The following PKM variants were observed in gnomAD, a reference collection of about 807,000 sequenced individuals.
The protein encoded by PKM is pyruvate kinase M1/2, also known as pyruvate kinase PKM.
In PKM, 18 loss-of-function variants were observed where a neutral mutation model predicts 49.8. That is an observed-to-expected ratio of 0.36 (90% confidence interval 0.25 to 0.54). The LOEUF is 0.54. Ranked by LOEUF, PKM falls within the 20% of genes least tolerant of loss-of-function variation. The pLI is 0.89. For synonymous variants in PKM, 239 were observed against 261.8 expected (o/e 0.91, Z 0.84); for missense variants, 508 against 713.8 (o/e 0.71, Z 3.28).
chr15:72,228,070 C>T (rs923152289), intron 1 of PKM, among the ~76,000 whole-genome samples: 1 of 152,162 alleles, frequency 6.6e-6, no homozygotes, highest in South Asian at 2.1e-4. Context: ...ATGCTCTTTG[C>T]TAAAATATGA....
At chr15:72,231,008 C>A (rs1413268477) in intron 1 of PKM, 108 bp downstream of exon 1, 1 of 1,250,968 alleles carries the variant, frequency 8.0e-7, no homozygotes, top group Non-Finnish European at 1.0e-6. Flanking sequence ...CTGGATCCTG[C>A]GCCGCCCTGC....
At position 72,202,482 on chromosome 15, in the gene PKM, C is replaced by T. The variant is rs1325937257; in HGVS notation, c.1279G>A (p.Ala427Thr). ...VEASFKCCSG[A>T]IIVLTKSGRS... ...CCAGACTTGGTGAGGACGATTATGG[C>T]CCCACTGCAGCACTTGAAGGAGGCC... is the stretch of plus-strand genomic sequence containing the variant. Residue 427 changes from alanine to threonine, a missense_variant, in exon 9 of 11, where the codon GCC becomes ACC. Coordinates refer to ENST00000335181, the MANE Select transcript of PKM (RefSeq NM_002654.6). The surrounding 1 kb of genome is among the most constrained non-coding windows in gnomAD (Gnocchi z 4.5). 1.2e-6 allele frequency: 2 copies of T among 1,613,210 alleles called. No homozygotes were observed. Among genetic ancestry groups the T allele is most frequent in the East Asian group, 2.2e-5 (1 of 44,862 alleles).
At chr15:72,213,951 T>G (rs1026096241) in intron 3 of PKM, among the ~76,000 whole-genome samples, 4 of 152,362 alleles carry the variant, frequency 2.6e-5, no homozygotes, top group Non-Finnish European at 5.9e-5. Context: ...TCTCAGAACT[T>G]TCTATTTTAC....
At position 72,200,508 on chromosome 15, in the gene PKM, G is replaced by A. The variant is rs758669236; in HGVS notation, c.1455C>T (p.Asp485=). Residue 485 remains aspartate (D), a synonymous_variant, in exon 10 of 11, where the codon GAC becomes GAT. Coordinates refer to ENST00000335181, the MANE Select transcript of PKM (RefSeq NM_002654.6). The surrounding 1 kb of genome is among the most constrained non-coding windows in gnomAD (Gnocchi z 4.6). ...KDPVQEAWAE[D]VDLRVNFAMN... ...TGGCAAAGTTCACCCGGAGGTCCAC[G>A]TCCTCAGCCCAGGCCTCCTGGACTG... The A allele has an allele frequency of 8.7e-6, 14 of 1,613,688 alleles. No homozygotes were observed. In the South Asian group the frequency reaches 1.4e-4, roughly 16 times the overall value.
chr15:72,228,890 A>T (rs536962717), intron 1 of PKM, among the ~76,000 whole-genome samples: 5 of 152,262 alleles, frequency 3.3e-5, no homozygotes, highest in Admixed American at 3.3e-4. Context: ...CAAGGGCTGG[A>T]ATGTTCCTCT....
chr15:72,213,705 G>GC (rs1234305748), intron 3 of PKM, among the ~76,000 whole-genome samples: 1 of 152,118 alleles, frequency 6.6e-6, no homozygotes, highest in African/African-American at 2.4e-5. Flanking sequence ...TGCTGGGATT[G>GC]CAGGTGTGAG....
Position 72,218,928 on chromosome 15 carries a change from G to C in PKM, c.154+16C>G. The C allele has an allele frequency of 6.2e-7, 1 of 1,613,946 alleles. No individual in the cohort carries two copies. Among genetic ancestry groups the C allele is most frequent in the Non-Finnish European group, 8.5e-7 (1 of 1,179,902 alleles). Reference sequence around the variant, plus strand: ...CCATGAAGCCCTTTTTTGGGGGAAGGGGCACACCCACTCACCAATGGTACA... The same window carrying C: ...CCATGAAGCCCTTTTTTGGGGGAAGCGGCACACCCACTCACCAATGGTACA... On this transcript the variant is annotated intron_variant, in intron 2 of 10. Coordinates refer to ENST00000335181, the MANE Select transcript of PKM (RefSeq NM_002654.6).
chr15:72,228,701 C>T, intron 1 of PKM: 1 of 1,089,076 alleles, frequency 9.2e-7, no homozygotes, highest in Non-Finnish European at 1.2e-6. Flanking sequence ...ACAGCCCACT[C>T]CTGCCCCCAC....
chr15:72,213,881 G>A (rs2082315236), intron 3 of PKM, among the ~76,000 whole-genome samples: 1 of 152,126 alleles, frequency 6.6e-6, no homozygotes, highest in South Asian at 2.1e-4. Flanking sequence ...CAATGTGTAG[G>A]AAATATTCTC....
At position 72,213,779 on chromosome 15, in the gene PKM, C is replaced by T. The variant is rs8192404; in HGVS notation, c.247-3301G>A. On this transcript the variant is annotated intron_variant, in intron 3 of 10. Coordinates refer to ENST00000335181, the MANE Select transcript of PKM (RefSeq NM_002654.6). ...CCACTGGTCTATTCATATTTTCTATCTTTTGGATATTTATCTTTTCTTTGA... is the reference window on the plus strand; with the variant it reads ...CCACTGGTCTATTCATATTTTCTATTTTTTGGATATTTATCTTTTCTTTGA... Among the ~76,000 whole-genome samples, 5 of 152,320 alleles carry T rather than the reference C, an allele frequency of 3.3e-5. No individual in the cohort carries two copies. The East Asian group carries it at 9.6e-4, about 29-fold the overall frequency.
At chr15:72,212,654 G>C (rs566686769) in intron 3 of PKM, among the ~76,000 whole-genome samples, 1 of 152,216 alleles carries the variant, frequency 6.6e-6, no homozygotes, top group African/African-American at 2.4e-5. Context: ...TAAGACTCAG[G>C]TGTACTGAGT....
chr15:72,229,378 G>C (rs745830699), intron 1 of PKM, among the ~76,000 whole-genome samples: 6 of 152,126 alleles, frequency 3.9e-5, no homozygotes, highest in Admixed American at 6.5e-5. Flanking sequence ...CTCCTTCAGA[G>C]TCTCAGGAAA....
At position 72,200,996 on chromosome 15, in the gene PKM, C is replaced by T. The variant is rs554496536; in HGVS notation, c.1308-341G>A. 3.9e-6 allele frequency: 1 copy of T among 258,112 alleles called. No individual in the cohort carries two copies. The highest frequency in any genetic ancestry group is 4.9e-5 in the Admixed American group (1 of 20,492). 16.0% of individuals were successfully genotyped at this position (258,112 alleles called of 1,614,324 possible). ...CTCTGACACAGAGAGGCAGCCCTGG[C>T]CCAATGTCACCAGCACCCATTCCTC... On this transcript the variant is annotated intron_variant, in intron 9 of 10. Coordinates refer to ENST00000335181, the MANE Select transcript of PKM (RefSeq NM_002654.6). This position sits in a 1 kb window ranked among gnomAD's most constrained non-coding sequence, Gnocchi z 4.6.
chr15:72,208,270 C>T (rs768941984), intron 6 of PKM, among the ~76,000 whole-genome samples: 1 of 152,076 alleles, frequency 6.6e-6, no homozygotes, highest in South Asian at 2.1e-4. Context: ...CTGGTCCCCC[C>T]ATTCCAGCAA....
At position 72,215,064 on chromosome 15, in the gene PKM, G is replaced by A. The variant is rs1187044992; in HGVS notation, c.246+2345C>T. Among the ~76,000 whole-genome samples, 3 of 152,164 alleles carry A rather than the reference G, an allele frequency of 2.0e-5. No individual in the cohort carries two copies. The East Asian group carries it at 5.8e-4, about 29-fold the overall frequency. On this transcript the variant is annotated intron_variant, in intron 3 of 10. Coordinates refer to ENST00000335181, the MANE Select transcript of PKM (RefSeq NM_002654.6). ...AAATATAAAAAAATTAGCTGGGCGT[G>A]GTGGCACAGGTCTGTAATCCCAGCT...
chr15:72,220,118 C>T (rs2082484218), intron 1 of PKM, among the ~76,000 whole-genome samples: 1 of 152,152 alleles, frequency 6.6e-6, no homozygotes. Context: ...TGAACCAGAC[C>T]AGGCAGTGTT....
At chr15:72,217,937 A>C (rs2082415945) in intron 2 of PKM, among the ~76,000 whole-genome samples, 1 of 152,202 alleles carries the variant, frequency 6.6e-6, no homozygotes, top group African/African-American at 2.4e-5. Flanking sequence ...TTTTTGCAAC[A>C]AATTATTTTT....
chr15:72,218,303 T>G (rs1454195029), intron 2 of PKM, among the ~76,000 whole-genome samples: 1 of 151,954 alleles, frequency 6.6e-6, no homozygotes, highest in African/African-American at 2.4e-5. Flanking sequence ...TTTTTTGTAT[T>G]TTTAGTAGAG....
intron 1 of PKM, among the ~76,000 whole-genome samples, chr15:72,226,271 T>C (rs1293634684): frequency 1.3e-5 from 2 of 152,208 alleles, no homozygotes; most frequent in Non-Finnish European, 2.9e-5. Flanking sequence ...CTGATGCCTG[T>C]AATCCCAGCA....
Sources: gnomAD v4.1 joint callset for allele counts (sites outside exome capture counted in the v4.1 genomes callset) on GRCh38, gnomAD v4.1.1 for gene constraint, Gnocchi (gnomAD v3.1) non-coding constraint, MANE v1.5 for transcripts, NCBI Gene and HGNC (gene_info 2026-07-23, HGNC 2026-07-21) for gene names.